Variants in AMHR2 observed in about 807,000 individuals in gnomAD.
The protein encoded by AMHR2 is anti-Mullerian hormone receptor type 2.
Under a neutral mutation model 61.4 loss-of-function variants are expected in AMHR2, and 36 were observed. The ratio of observed to expected loss-of-function variants is 0.59; its 90% CI spans 0.45 to 0.77. AMHR2 has a LOEUF of 0.77. Among genes scored for constraint, AMHR2 ranks in the 30% least tolerant of loss-of-function variants. The pLI is 0.00. For synonymous variants in AMHR2, 258 were observed against 279.4 expected, an observed-to-expected ratio of 0.92 and a Z score of 0.76; for missense variants, 638 against 714.6, an observed-to-expected ratio of 0.89 and a Z score of 1.22.
chr12:53,424,145 C>A, intron 1 of AMHR2, 143 bp from the exon 2 acceptor site: 1 of 1,336,566 alleles, frequency 7.5e-7, no homozygotes, highest in Non-Finnish European at 1.1e-6. Flanking sequence ...GGTTCCAGGC[C>A]TCTGCTGACC....
Position 53,431,157 on chromosome 12 carries a change from C to T in AMHR2, c.1426-20C>T. 6.2e-7 allele frequency: 1 copy of T among 1,613,670 alleles called. No homozygotes were observed. Among genetic ancestry groups the T allele is most frequent in the Non-Finnish European group, 8.5e-7 (1 of 1,180,022 alleles). On this transcript the variant is annotated intron_variant, in intron 10 of 10. Coordinates refer to ENST00000257863, the MANE Select transcript of AMHR2 (RefSeq NM_020547.3). ...CTCAAGATCCTAGGGTCAACCCTTCCTCCCTGTCATTCCCCCCAGGACCCT... is the reference window on the plus strand; with the variant it reads ...CTCAAGATCCTAGGGTCAACCCTTCTTCCCTGTCATTCCCCCCAGGACCCT...
In AMHR2 at chr12:53,428,947, C is replaced by T; in HGVS notation, c.904C>T (p.Leu302=). The change falls in exon 7 of 11, where the codon CTG becomes TTG. Residue 302 remains leucine, a synonymous_variant. Transcript: ENST00000257863. ...GTACACCAGTGACTGGGGAAGTTCC[C>T]TGCGGATGGCACTGTCCCTGGCCCA... ...TQYTSDWGSS[L]RMALSLAQGL... The T allele has an allele frequency of 3.9e-6, 6 of 1,551,734 alleles. No individual in the cohort carries two copies. The highest frequency in any genetic ancestry group is 5.2e-6 in the Non-Finnish European group (6 of 1,147,050).
rs1379403158 is a variant in AMHR2 at position 53,424,859 on chromosome 12, G to A, written c.383G>A (p.Ser128Asn). The change falls in exon 3 of 11, where the codon AGC becomes AAC. Residue 128 changes from serine to asparagine, a missense_variant. Coordinates refer to ENST00000257863, the MANE Select transcript of AMHR2 (RefSeq NM_020547.3). ...ANYSHLPPPGSPGTPGSQGPQ... is the reference protein window; with the variant it reads ...ANYSHLPPPGNPGTPGSQGPQ... ...TACAGCCATCTGCCTCCTCCAGGGA[G>A]CCCTGGGACTCCTGGCTCCCAGGGT... 1.2e-6 allele frequency: 2 copies of A among 1,613,546 alleles called. No homozygotes were observed. The highest frequency in any genetic ancestry group is 1.7e-6 in the Non-Finnish European group (2 of 1,179,992).
chr12:53,428,906 GC>G lies in AMHR2; in HGVS notation c.865del (p.His289ThrfsTer3), dbSNP rs1404333811. 2.6e-6 allele frequency: 4 copies of G among 1,551,316 alleles called. No individual in the cohort carries two copies. The highest frequency in any genetic ancestry group is 3.5e-6 in the Non-Finnish European group (4 of 1,146,906). On this transcript the variant is annotated frameshift_variant, in exon 7 of 11. Coordinates refer to ENST00000257863, the MANE Select transcript of AMHR2 (RefSeq NM_020547.3). LOFTEE classifies it high-confidence loss of function. The part of the protein sequence containing the change: ...VLELHPKGSL[C>X]HYLTQYTSDW... ...TCTGCGTTTCCCCAGGGCTCCCTGT[GC>G]CACTACTTGACCCAGTACACCAGTG...
chr12:53,424,715 GAGAC>G lies in AMHR2; in HGVS notation c.242_245del (p.Asp81ValfsTer127). ...CCTAATCCCATCCCATCAGGATGCC[GAGAC>G]AGTGATGAGCCAGGCTGTGAGTCCC... On this transcript the variant is annotated frameshift_variant, in exon 3 of 11. Coordinates refer to ENST00000257863, the MANE Select transcript of AMHR2 (RefSeq NM_020547.3). LOFTEE classifies it high-confidence loss of function. The G allele has an allele frequency of 6.2e-7, 1 of 1,613,464 alleles. No homozygotes were observed. Among genetic ancestry groups the G allele is most frequent in the Non-Finnish European group, 8.5e-7 (1 of 1,179,714 alleles).
rs547807067 is a variant in AMHR2 at position 53,429,689 on chromosome 12, C to T, written c.1140+64C>T. 38 of 1,601,526 alleles carry T rather than the reference C, an allele frequency of 2.4e-5. No individual in the cohort carries two copies. In the South Asian group the frequency reaches 4.1e-4, roughly 17 times the overall value. On this transcript the variant is annotated intron_variant, in intron 8 of 10. Coordinates refer to ENST00000257863, the MANE Select transcript of AMHR2 (RefSeq NM_020547.3). ...TTGGTGCTGCTGATGGCAATGCAGC[C>T]ATTGTGTGTCAACAGTTGTAGCAAT...
chr12:53,430,001 C>G lies in AMHR2; in HGVS notation c.1288+23C>G, dbSNP rs571389839. 5.6e-6 allele frequency: 9 copies of G among 1,614,042 alleles called. No homozygotes were observed. In the South Asian group the frequency reaches 8.8e-5, roughly 16 times the overall value. The stretch of plus-strand genomic sequence containing the variant: ...CTGGTAAGGATGGGTGGTACAGTCC[C>G]CTCTCCTGGGCTCCCCCCCGCCCAT... On this transcript the variant is annotated intron_variant, in intron 9 of 10. Coordinates refer to ENST00000257863, the MANE Select transcript of AMHR2 (RefSeq NM_020547.3).
At position 53,424,717 on chromosome 12, in the gene AMHR2, G is replaced by A. The variant is rs1402600506; in HGVS notation, c.241G>A (p.Asp81Asn). ...RAQVEMQGCRDSDEPGCESLH... is the reference protein window; with the variant it reads ...RAQVEMQGCRNSDEPGCESLH... Reference sequence around the variant, plus strand: ...TAATCCCATCCCATCAGGATGCCGAGACAGTGATGAGCCAGGCTGTGAGTC... The same window carrying A: ...TAATCCCATCCCATCAGGATGCCGAAACAGTGATGAGCCAGGCTGTGAGTC... Residue 81 changes from aspartate to asparagine, a missense_variant, in exon 3 of 11, where the codon GAC becomes AAC. Asp to Asn is a conservative substitution (Grantham distance 23). Transcript: ENST00000257863. The A allele has an allele frequency of 1.2e-6, 2 of 1,613,606 alleles. No individual in the cohort carries two copies. Among genetic ancestry groups the A allele is most frequent in the Non-Finnish European group, 1.7e-6 (2 of 1,179,796 alleles).
In AMHR2 at chr12:53,429,936, C is replaced by T. The variant is rs1460537370; in HGVS notation, c.1246C>T (p.Leu416Phe). 1 of 1,614,206 alleles carries T rather than the reference C, an allele frequency of 6.2e-7. No homozygotes were observed. The highest frequency in any genetic ancestry group is 8.5e-7 in the Non-Finnish European group (1 of 1,180,034). ...RRADIYSLALLLWEILSRCPD... is the reference protein window; with the variant it reads ...RRADIYSLALFLWEILSRCPD... ...AGCTGATATTTACTCTTTGGCTCTG[C>T]TCCTGTGGGAGATACTGAGCCGCTG... is the stretch of plus-strand genomic sequence containing the variant. Residue 416 changes from leucine to phenylalanine, a missense_variant, in exon 9 of 11, where the codon CTC becomes TTC. Coordinates refer to ENST00000257863, the MANE Select transcript of AMHR2 (RefSeq NM_020547.3).
At chr12:53,428,086 T>C (rs1939775816) in intron 6 of AMHR2, among the ~76,000 whole-genome samples, 1 of 152,208 alleles carries the variant, frequency 6.6e-6, no homozygotes, top group Admixed American at 6.5e-5. Flanking sequence ...AGCTCAAAAA[T>C]CACTGTTTTT....
chr12:53,429,315 C>T (rs1355199711), intron 7 of AMHR2, 138 bp from the exon 8 acceptor site: 1 of 927,796 alleles, frequency 1.1e-6, no homozygotes, highest in Non-Finnish European at 1.7e-6. Flanking sequence ...TCACTTGAAC[C>T]CGGGAGGCGG....
intron 7 of AMHR2, 122 bp downstream of exon 7, chr12:53,429,132 C>T: frequency 1.0e-6 from 1 of 953,692 alleles, no homozygotes; most frequent in Non-Finnish European, 1.6e-6. Context: ...GTGGCTCACG[C>T]CTATAATCCC....
At position 53,430,278 on chromosome 12, in the gene AMHR2, C is replaced by A; in HGVS notation, c.1421C>A (p.Ala474Asp). Reference sequence around the variant, plus strand: ...ATCCCATCCACCTGGCGCTGCTTTGCCACAGTAAGAGGCCTAGGCTGTTGG... The same window carrying A: ...ATCCCATCCACCTGGCGCTGCTTTGACACAGTAAGAGGCCTAGGCTGTTGG... ...PYIPSTWRCF[A>D]TDPDGLRELL... Residue 474 changes from alanine to aspartate, a missense_variant, in exon 10 of 11, where the codon GCC becomes GAC. Physicochemically the swap from Ala to Asp is moderately radical, Grantham distance 126 (BLOSUM62 -2). Coordinates refer to ENST00000257863, the MANE Select transcript of AMHR2 (RefSeq NM_020547.3). 1 of 1,614,188 alleles carries A rather than the reference C, an allele frequency of 6.2e-7. No homozygotes were observed. Among genetic ancestry groups the A allele is most frequent in the Non-Finnish European group, 8.5e-7 (1 of 1,180,032 alleles).
At position 53,431,671 on chromosome 12, in the gene AMHR2, C is replaced by A; in HGVS notation, c.*198C>A. On this transcript the variant is annotated 3_prime_UTR_variant, in exon 11 of 11. Transcript: ENST00000257863. ...GAGAATAAAGTCAGCTTTCCTGATG[C>A]ATATCCTTGGTCCTTCCTCTATTCC... 1 of 668,292 alleles carries A rather than the reference C, an allele frequency of 1.5e-6. No homozygotes were observed. The highest frequency in any genetic ancestry group is 2.7e-6 in the Non-Finnish European group (1 of 376,648). 41.4% of individuals were successfully genotyped at this position (668,292 alleles called of 1,614,324 possible).
At chr12:53,427,901 G>A (rs1939753225) in intron 6 of AMHR2, among the ~76,000 whole-genome samples, 1 of 152,110 alleles carries the variant, frequency 6.6e-6, no homozygotes, top group African/African-American at 2.4e-5. Flanking sequence ...CTGTCCACGT[G>A]GAAGAGCTCC....
intron 1 of AMHR2, 56 bp downstream of exon 1, chr12:53,424,039 G>T: frequency 4.4e-6 from 7 of 1,600,154 alleles, no homozygotes; most frequent in Non-Finnish European, 6.0e-6. Flanking sequence ...AGGGAAAGGG[G>T]CGCTTGAAGC....
At position 53,428,251 on chromosome 12, in the gene AMHR2, C is replaced by T. The variant is rs187217688; in HGVS notation, c.853-645C>T. Among the ~76,000 whole-genome samples, 35 of 152,318 alleles carry T rather than the reference C, an allele frequency of 2.3e-4. No homozygotes were observed. In the East Asian group the frequency reaches 6.2e-3, roughly 27 times the overall value. On this transcript the variant is annotated intron_variant, in intron 6 of 10. Coordinates refer to ENST00000257863, the MANE Select transcript of AMHR2 (RefSeq NM_020547.3). ...CTTGGTGCCTGAACACAGTTCGTGGCCACCGAAGGTGCTCGATGACACTTG... is the reference window on the plus strand; with the variant it reads ...CTTGGTGCCTGAACACAGTTCGTGGTCACCGAAGGTGCTCGATGACACTTG...
Position 53,430,272 on chromosome 12 carries a change from G to A in AMHR2, c.1415G>A (p.Cys472Tyr), listed in dbSNP as rs750628279. The A allele has an allele frequency of 6.2e-7, 1 of 1,614,204 alleles. No individual in the cohort carries two copies. The highest frequency in any genetic ancestry group is 1.1e-5 in the South Asian group (1 of 91,084). The change falls in exon 10 of 11, where the codon TGC (cysteine) becomes TAC (tyrosine). Residue 472 changes from cysteine to tyrosine, a missense_variant. Coordinates refer to ENST00000257863, the MANE Select transcript of AMHR2 (RefSeq NM_020547.3). ...CCCTACATCCCATCCACCTGGCGCT[G>A]CTTTGCCACAGTAAGAGGCCTAGGC... The part of the protein sequence containing the change: ...RRPYIPSTWR[C>Y]FATDPDGLRE...
At chr12:53,430,997 T>C in intron 10 of AMHR2, 180 bp from the exon 11 acceptor site, 1 of 770,438 alleles carries the variant, frequency 1.3e-6, no homozygotes, top group Non-Finnish European at 2.1e-6. Context: ...AGAGAGCCTG[T>C]TTCATAGGGA....
Sources: allele counts gnomAD v4.1 joint callset (sites outside exome capture counted in the v4.1 genomes callset), GRCh38; gene constraint gnomAD v4.1.1; transcripts MANE v1.5; gene names NCBI Gene and HGNC (gene_info 2026-07-23, HGNC 2026-07-21).